The following KIF13A variants were observed in gnomAD, a reference collection of about 807,000 sequenced individuals.
KIF13A encodes the protein kinesin-like protein KIF13A.
Under a neutral mutation model 212.2 loss-of-function variants are expected in KIF13A, and 79 were observed. The ratio of observed to expected loss-of-function variants is 0.37; its 90% confidence interval spans 0.31 to 0.45. The LOEUF (loss-of-function observed/expected upper bound fraction) is 0.45, where lower values mean the gene tolerates loss of function less well. Ranked by LOEUF, KIF13A falls within the 20% of genes least tolerant of loss-of-function variation. The probability of loss-of-function intolerance (pLI) is 1.00; values close to 1 mark genes in which losing one functional copy is unlikely to be tolerated. For synonymous variants in KIF13A, 789 were observed against 808.6 expected, an observed-to-expected ratio of 0.98 and a Z score of 0.41; for missense variants, 1,901 against 2,209.0, an observed-to-expected ratio of 0.86 and a Z score of 2.79.
Position 17,849,344 on chromosome 6 carries a change from T to A in KIF13A, c.830+33A>T. 1 of 1,475,552 alleles carries A rather than the reference T, an allele frequency of 6.8e-7. No homozygotes were observed. Among genetic ancestry groups the A allele is most frequent in the Non-Finnish European group, 9.4e-7 (1 of 1,063,004 alleles). 91.4% of individuals were successfully genotyped at this position (1,475,552 alleles called of 1,614,324 possible). A position where few individuals can be genotyped will look rare whatever the true frequency, so the allele number is the denominator to read the frequency against. On this transcript the variant is annotated intron_variant, in intron 9 of 38. Coordinates refer to ENST00000259711, the MANE Select transcript of KIF13A (RefSeq NM_022113.6). This position sits in a 1 kb window ranked among gnomAD's most constrained non-coding sequence, Gnocchi z 5.7. ...GCAACAAATCCCCTCCAGAAGGAAA[T>A]CACCCAGGCTGTTCTGGGACCAGCC... is the stretch of plus-strand genomic sequence containing the variant.
rs892998446 is a variant in KIF13A, at chr6:17,783,070, G to C, written c.3544+576C>G. Among the ~76,000 whole-genome samples, 4 of 152,172 alleles carry C rather than the reference G, an allele frequency of 2.6e-5. 1 individual carries two copies. The highest frequency in any genetic ancestry group is 2.0e-4 in the Admixed American group (3 of 15,286). On this transcript the variant is annotated intron_variant, in intron 29 of 38. Transcript: ENST00000259711. This position sits in a 1 kb window ranked among gnomAD's most constrained non-coding sequence, Gnocchi z 4.3. ...TCAGGCTGTGTTTTGAGGAGCCCTA[G>C]GGCCCTGCCAAAGGATCTACCAGGA...
intron 35 of KIF13A, among the ~76,000 whole-genome samples, chr6:17,774,484 T>C (rs1478583098): frequency 6.6e-6 from 1 of 152,008 alleles, no homozygotes; most frequent in Non-Finnish European, 1.5e-5. Flanking sequence ...TGAAAGTGCA[T>C]AGCAATTGTC....
chr6:17,931,483 CAT>C (rs1775982682), intron 2 of KIF13A, among the ~76,000 whole-genome samples: 1 of 152,128 alleles, frequency 6.6e-6, no homozygotes. Context: ...TAAAAACTCA[CAT>C]GTTGGGAAGG....
intron 4 of KIF13A, among the ~76,000 whole-genome samples, chr6:17,866,962 A>T (rs1581578935): frequency 1.3e-5 from 2 of 150,552 alleles, no homozygotes; most frequent in East Asian, 3.9e-4. Context: ...TACAAGAAAA[A>T]TTTTTCTTAA....
chr6:17,900,930 T>C lies in KIF13A; in HGVS notation c.147-2750A>G, dbSNP rs1472643420. Among the ~76,000 whole-genome samples, 1 of 151,626 alleles carries C rather than the reference T, an allele frequency of 6.6e-6. No homozygotes were observed. The highest frequency in any genetic ancestry group is 6.6e-5 in the Admixed American group (1 of 15,206). On this transcript the variant is annotated intron_variant, in intron 2 of 38. Transcript: ENST00000259711. This position sits in a 1 kb window ranked among gnomAD's most constrained non-coding sequence, Gnocchi z 4.6. ...CGCCTCTACTAAAAATACAAAAAAT[T>C]AGCCGGGCGTGGTGGCGGGTGCCTG...
chr6:17,909,168 T>C (rs1330665083), intron 2 of KIF13A, among the ~76,000 whole-genome samples: 1 of 152,156 alleles, frequency 6.6e-6, no homozygotes, highest in Non-Finnish European at 1.5e-5. Context: ...GAAACTAAAT[T>C]TCATCTGGGA....
Position 17,971,416 on chromosome 6 carries a change from G to A in KIF13A, c.146+15638C>T, listed in dbSNP as rs994134251. 1.3e-5 allele frequency among the ~76,000 whole-genome samples: 2 copies of A among 151,940 alleles called. No homozygotes were observed. The highest frequency in any genetic ancestry group is 2.4e-5 in the African/African-American group (1 of 41,358). The stretch of plus-strand genomic sequence containing the variant: ...TAATAAAATATTAAAATTTAGTAGC[G>A]GTTTGTTTTTTTCCTTTTTTTTTGA... On this transcript the variant is annotated intron_variant, in intron 2 of 38. Transcript: ENST00000259711. This position sits in a 1 kb window ranked among gnomAD's most constrained non-coding sequence, Gnocchi z 4.2.
At chr6:17,950,555 G>A in intron 2 of KIF13A, 7 of 985,208 alleles carry the variant, frequency 7.1e-6, no homozygotes, top group Non-Finnish European at 7.2e-6. Flanking sequence ...TACCCCATTT[G>A]TTGGATGAAT....
intron 2 of KIF13A, among the ~76,000 whole-genome samples, chr6:17,974,549 A>G (rs1479582638): frequency 6.6e-6 from 1 of 152,206 alleles, no homozygotes. Flanking sequence ...TGCCCTGTTC[A>G]GATTCCTAAC....
chr6:17,815,564 C>T (rs1581397725), intron 17 of KIF13A: 1 of 419,046 alleles, frequency 2.4e-6, no homozygotes, highest in South Asian at 1.7e-5. Flanking sequence ...AGGGCTTACA[C>T]TTGTCTTCTG....
rs1772518032 is a variant in KIF13A, at chr6:17,895,934, T to C, written c.159+2234A>G. On this transcript the variant is annotated intron_variant, in intron 3 of 38. Transcript: ENST00000259711. The surrounding 1 kb of genome is among the most constrained non-coding windows in gnomAD (Gnocchi z 4.4). The stretch of plus-strand genomic sequence containing the variant: ...TGAACAGGAACTTTCATTCTATGAA[T>C]TTCACAAATATTTTGCCTCTTGTGG... Among the ~76,000 whole-genome samples the C allele has an allele frequency of 6.6e-6, 1 of 152,220 alleles. No individual in the cohort carries two copies. The highest frequency in any genetic ancestry group is 2.1e-4 in the South Asian group (1 of 4,832).
chr6:17,976,807 A>G (rs1353767208), intron 2 of KIF13A, among the ~76,000 whole-genome samples: 1 of 151,642 alleles, frequency 6.6e-6, no homozygotes, highest in African/African-American at 2.4e-5. Context: ...ATCTCAAAAA[A>G]AAAAAAAAAA....
At chr6:17,820,924 T>C (rs1764375707) in intron 16 of KIF13A, among the ~76,000 whole-genome samples, 1 of 152,108 alleles carries the variant, frequency 6.6e-6, no homozygotes, top group Admixed American at 6.5e-5. Flanking sequence ...AAAAACTGAA[T>C]TGAGGGGAAA....
At chr6:17,810,324 C>T (rs931509501) in intron 17 of KIF13A, among the ~76,000 whole-genome samples, 4 of 152,224 alleles carry the variant, frequency 2.6e-5, no homozygotes, top group African/African-American at 4.8e-5. Context: ...TTCCTCAGGC[C>T]GTTCCTCGGC....
At chr6:17,775,958 C>T (rs533231246) in intron 34 of KIF13A, among the ~76,000 whole-genome samples, 17 of 152,092 alleles carry the variant, frequency 1.1e-4, no homozygotes, top group Admixed American at 2.0e-4. Flanking sequence ...CTCGGCGCAC[C>T]GCAATCTCCT....
At chr6:17,778,913 C>T in intron 33 of KIF13A, 34 bp downstream of exon 33, 1 of 1,553,170 alleles carries the variant, frequency 6.4e-7, no homozygotes, top group Non-Finnish European at 8.7e-7. Context: ...AAGGCTGGTG[C>T]TTTCATCCTC....
At chr6:17,810,468 G>A (rs1264987390) in intron 17 of KIF13A, among the ~76,000 whole-genome samples, 5 of 152,216 alleles carry the variant, frequency 3.3e-5, no homozygotes, top group Non-Finnish European at 7.3e-5. Flanking sequence ...TTCTACACCA[G>A]TGGTCCCCAA....
At chr6:17,811,000 G>C (rs982692240) in intron 17 of KIF13A, among the ~76,000 whole-genome samples, 5 of 152,168 alleles carry the variant, frequency 3.3e-5, no homozygotes, top group Non-Finnish European at 7.4e-5. Context: ...CCCTGTTCTA[G>C]ACTACACGAA....
rs1760033642 is a variant in KIF13A, at chr6:17,776,903, G to A, written c.4170+374C>T. Among the ~76,000 whole-genome samples the A allele has an allele frequency of 6.6e-6, 1 of 152,176 alleles. No individual in the cohort carries two copies. Among genetic ancestry groups the A allele is most frequent in the Non-Finnish European group, 1.5e-5 (1 of 68,050 alleles). The stretch of plus-strand genomic sequence containing the variant: ...CTGACTCCTTATCACACTGATGGTG[G>A]CAGACTCAGAGCCACCAGGGCAGCT... On this transcript the variant is annotated intron_variant, in intron 34 of 38. Coordinates refer to ENST00000259711, the MANE Select transcript of KIF13A (RefSeq NM_022113.6). This position sits in a 1 kb window ranked among gnomAD's most constrained non-coding sequence, Gnocchi z 4.6.
Sources: gnomAD v4.1 joint callset for allele counts (sites outside exome capture counted in the v4.1 genomes callset) on GRCh38, gnomAD v4.1.1 for gene constraint, Gnocchi (gnomAD v3.1) non-coding constraint, MANE v1.5 for transcripts, NCBI Gene and HGNC (gene_info 2026-07-23, HGNC 2026-07-21) for gene names.